The following ENOX1 variants were observed in gnomAD, a reference collection of about 807,000 sequenced individuals.
The protein encoded by ENOX1 is ecto-NOX disulfide-thiol exchanger 1.
Under a neutral mutation model 82.5 loss-of-function variants are expected in ENOX1, and 42 were observed. The observed-to-expected ratio is 0.51, with a 90% CI of 0.40 to 0.66. The LOEUF is 0.66. Among genes scored for constraint, ENOX1 ranks in the 30% least tolerant of loss-of-function variants. The probability of loss-of-function intolerance (pLI) is 0.00; values close to 1 mark genes in which losing one functional copy is unlikely to be tolerated. For synonymous variants in ENOX1, 271 were observed against 282.2 expected (o/e 0.96, Z 0.40); for missense variants, 608 against 811.6 (o/e 0.75, Z 3.05).
chr13:43,785,104 A>G (rs1446751267), intron 1 of ENOX1, among the ~76,000 whole-genome samples: 2 of 152,228 alleles, frequency 1.3e-5, no homozygotes, highest in African/African-American at 4.8e-5. Flanking sequence ...TCACTTTCAA[A>G]TCTGTATATT....
chr13:43,724,160 A>T (rs530614463), intron 1 of ENOX1, among the ~76,000 whole-genome samples: 5 of 152,314 alleles, frequency 3.3e-5, no homozygotes, highest in African/African-American at 1.2e-4. Context: ...TCTTTCTTTT[A>T]ACTACTACCC....
intron 5 of ENOX1, among the ~76,000 whole-genome samples, chr13:43,393,320 T>C (rs892076024): frequency 2.6e-5 from 4 of 152,204 alleles, no homozygotes; most frequent in African/African-American, 9.7e-5. Flanking sequence ...TTTTTTAATT[T>C]CTTCTTTTCA....
At chr13:43,640,865 C>T (rs2083606381) in intron 2 of ENOX1, among the ~76,000 whole-genome samples, 1 of 60,214 alleles carries the variant, frequency 1.7e-5, no homozygotes, top group South Asian at 1.1e-3. Context: ...AACACATACA[C>T]ACATGCACAC....
rs570741046 is a variant in ENOX1 at position 43,451,144 on chromosome 13, G to A, written c.-75+32865C>T. Among the ~76,000 whole-genome samples the A allele has an allele frequency of 1.2e-4, 19 of 152,134 alleles. No homozygotes were observed. In the South Asian group the frequency reaches 2.1e-3, roughly 17 times the overall value. On this transcript the variant is annotated intron_variant, in intron 3 of 16. Transcript: ENST00000690772. ...AGGGTCTTCTCTCTGGCTCATCTTC[G>A]GTCAGGAAAGGGGAAGGACCTTACA...
At chr13:43,236,877 T>C (rs2042577255) in intron 14 of ENOX1, 139 bp from the exon 15 acceptor site, 1 of 447,924 alleles carries the variant, frequency 2.2e-6, no homozygotes. Context: ...TTTTATACAA[T>C]TGATCTATTT....
rs143096287 is a variant in ENOX1 at position 43,583,568 on chromosome 13, C to T, written c.-219+83911G>A. Among the ~76,000 whole-genome samples the T allele has an allele frequency of 1.9e-3, 286 of 152,262 alleles. 2 individuals carry two copies. Among genetic ancestry groups the T allele is most frequent in the African/African-American group, 6.4e-3 (267 of 41,560 alleles). On this transcript the variant is annotated intron_variant, in intron 2 of 16. Transcript: ENST00000690772. ...TTTGGAATGCCATCTGTCTAAACTT[C>T]CTCCCAGTTCTAAATATCCTATCTA...
At chr13:43,406,753 A>G (rs1337568554) in intron 5 of ENOX1, among the ~76,000 whole-genome samples, 3 of 152,032 alleles carry the variant, frequency 2.0e-5, no homozygotes, top group African/African-American at 7.2e-5. Flanking sequence ...TCAGCCTCCC[A>G]AAGTGCTGGG....
intron 10 of ENOX1, 82 bp downstream of exon 10, chr13:43,326,337 A>G (rs530902840): frequency 8.3e-7 from 1 of 1,206,740 alleles, no homozygotes; most frequent in East Asian, 2.4e-5. Context: ...CTATAACAGA[A>G]ACCATCATGG....
intron 1 of ENOX1, among the ~76,000 whole-genome samples, chr13:43,707,925 T>C (rs2087423453): frequency 6.6e-6 from 1 of 152,064 alleles, no homozygotes; most frequent in African/African-American, 2.4e-5. Flanking sequence ...TAGGCAGACA[T>C]GAGCAGAGTG....
At chr13:43,563,487 A>C (rs1268320783) in intron 2 of ENOX1, among the ~76,000 whole-genome samples, 1 of 152,122 alleles carries the variant, frequency 6.6e-6, no homozygotes, top group African/African-American at 2.4e-5. Context: ...AAGGAAGAAC[A>C]AACCTAACAC....
intron 2 of ENOX1, among the ~76,000 whole-genome samples, chr13:43,498,631 A>T (rs889238370): frequency 7.9e-5 from 12 of 151,286 alleles, no homozygotes; most frequent in Non-Finnish European, 1.5e-4. Context: ...TTCTAAATTT[A>T]AAAAAAAAGA....
intron 3 of ENOX1, among the ~76,000 whole-genome samples, chr13:43,470,852 C>T (rs1419322464): frequency 6.6e-6 from 1 of 151,840 alleles, no homozygotes; most frequent in Non-Finnish European, 1.5e-5. Context: ...ATGGCTAAAC[C>T]TAAAAAGTCA....
intron 1 of ENOX1, among the ~76,000 whole-genome samples, chr13:43,712,726 G>A (rs1027440050): frequency 6.6e-6 from 1 of 152,092 alleles, no homozygotes; most frequent in South Asian, 2.1e-4. Context: ...TTTGTTACTG[G>A]TGTATAAGAA....
At chr13:43,315,170 T>C in intron 11 of ENOX1, among the ~76,000 whole-genome samples, 1 of 152,184 alleles carries the variant, frequency 6.6e-6, no homozygotes. Flanking sequence ...ACAATTTTGT[T>C]TTCTTCTTTA....
At chr13:43,602,031 A>C (rs2081746171) in intron 2 of ENOX1, among the ~76,000 whole-genome samples, 1 of 152,186 alleles carries the variant, frequency 6.6e-6, no homozygotes, top group Non-Finnish European at 1.5e-5. Context: ...TAAGCTCCTA[A>C]ATGACTAGTG....
At chr13:43,314,375 G>A (rs988502685) in intron 11 of ENOX1, among the ~76,000 whole-genome samples, 8 of 152,278 alleles carry the variant, frequency 5.3e-5, no homozygotes, top group African/African-American at 1.9e-4. Context: ...TTAGTTATGT[G>A]GCTCTTAACT....
At chr13:43,438,879 T>C (rs576681095) in intron 3 of ENOX1, among the ~76,000 whole-genome samples, 2 of 152,158 alleles carry the variant, frequency 1.3e-5, no homozygotes, top group Non-Finnish European at 2.9e-5. Flanking sequence ...ACAGCCACTG[T>C]AGTATACAGT....
chr13:43,771,190 G>A (rs1022277933), intron 1 of ENOX1, among the ~76,000 whole-genome samples: 1 of 152,138 alleles, frequency 6.6e-6, no homozygotes, highest in Non-Finnish European at 1.5e-5. Flanking sequence ...CAAGGCGGGA[G>A]GGCAGAGGCA....
At chr13:43,238,607 G>A (rs925558591) in intron 14 of ENOX1, among the ~76,000 whole-genome samples, 3 of 152,118 alleles carry the variant, frequency 2.0e-5, no homozygotes, top group Admixed American at 6.5e-5. Flanking sequence ...GACGCAAGCT[G>A]AAGCTTTGTA....
Sources: gnomAD v4.1 joint callset for allele counts (sites outside exome capture counted in the v4.1 genomes callset) on GRCh38, gnomAD v4.1.1 for gene constraint, MANE v1.5 for transcripts, NCBI Gene and HGNC (gene_info 2026-07-23, HGNC 2026-07-21) for gene names.